The following EYS variants were observed in gnomAD, a reference collection of about 807,000 sequenced individuals.
The protein encoded by EYS is protein eyes shut homolog.
EYS carries 250 observed loss-of-function variants against 282.1 expected under a neutral mutation model. The ratio of observed to expected loss-of-function variants is 0.89; its 90% CI spans 0.80 to 0.98. EYS has a LOEUF of 0.98. Ranked by LOEUF, EYS falls within the 50% of genes least tolerant of loss-of-function variation. EYS has a pLI of 0.00. For missense variants in EYS, 4,016 were observed against 3,709.0 expected, an observed-to-expected ratio of 1.08 and a Z score of -2.15; for synonymous variants, 1,355 against 1,282.9, an observed-to-expected ratio of 1.06 and a Z score of -1.20.
At chr6:64,926,252 C>A (rs1048036162) in intron 15 of EYS, among the ~76,000 whole-genome samples, 3 of 152,190 alleles carry the variant, frequency 2.0e-5, no homozygotes, top group Admixed American at 2.0e-4. Context: ...CCTCTCAATT[C>A]TAGCCCCAGG....
At chr6:65,136,236 T>C (rs1414845508) in intron 12 of EYS, among the ~76,000 whole-genome samples, 1 of 152,024 alleles carries the variant, frequency 6.6e-6, no homozygotes, top group Non-Finnish European at 1.5e-5. Context: ...TAGAGGGATA[T>C]GTGTAAATTG....
intron 29 of EYS, among the ~76,000 whole-genome samples, chr6:64,352,968 G>A (rs1771694145): frequency 6.6e-6 from 1 of 151,384 alleles, no homozygotes; most frequent in Non-Finnish European, 1.5e-5. Context: ...ACAACTATTT[G>A]TTGGGTCTTA....
intron 1 of EYS, among the ~76,000 whole-genome samples, chr6:65,672,826 T>C (rs1768438203): frequency 6.6e-6 from 1 of 152,088 alleles, no homozygotes; most frequent in South Asian, 2.1e-4. Flanking sequence ...TAAAGCTTTT[T>C]AATCACCTGG....
chr6:64,852,372 C>G (rs554246177), intron 19 of EYS, among the ~76,000 whole-genome samples: 2 of 152,216 alleles, frequency 1.3e-5, no homozygotes, highest in Non-Finnish European at 2.9e-5. Context: ...AGCCTCCCAG[C>G]CTACATCTTT....
chr6:64,738,637 T>G (rs1045544145), intron 22 of EYS, among the ~76,000 whole-genome samples: 3 of 152,242 alleles, frequency 2.0e-5, no homozygotes, highest in African/African-American at 7.2e-5. Context: ...ATGAACAGTT[T>G]AGTCTATGTT....
chr6:64,911,836 T>A (rs1768001630), intron 16 of EYS, among the ~76,000 whole-genome samples: 1 of 152,120 alleles, frequency 6.6e-6, no homozygotes, highest in Admixed American at 6.6e-5. Context: ...AAGACTTTCT[T>A]CGCTTGCATA....
In EYS at chr6:64,164,821, G is replaced by A. The variant is rs573944126; in HGVS notation, c.6424+65771C>T. On this transcript the variant is annotated intron_variant, in intron 31 of 42. Coordinates refer to ENST00000503581, the MANE Select transcript of EYS (RefSeq NM_001142800.2). The stretch of plus-strand genomic sequence containing the variant: ...TCCTCTGCCTTATTGTTATGTTGAA[G>A]TTAATTGACCATATTTAAGCAGACA... Among the ~76,000 whole-genome samples, 4 of 152,238 alleles carry A rather than the reference G, an allele frequency of 2.6e-5. No individual in the cohort carries two copies. In the South Asian group the frequency reaches 8.3e-4, roughly 32 times the overall value.
chr6:64,553,672 G>A (rs1765159662), intron 26 of EYS, among the ~76,000 whole-genome samples: 1 of 150,494 alleles, frequency 6.6e-6, no homozygotes, highest in South Asian at 2.1e-4. Flanking sequence ...CAAGTATCCT[G>A]AGTTAACTCT....
intron 35 of EYS, among the ~76,000 whole-genome samples, chr6:63,968,863 T>C (rs6928720): frequency 0.3 from 45,345 of 152,122 alleles, 6,870 homozygotes; most frequent in Admixed American, 0.38. Context: ...TTAGATGTTT[T>C]AGTCAGTAAT....
chr6:64,997,469 T>C (rs1181149192), intron 14 of EYS, 113 bp downstream of exon 14: 1 of 921,108 alleles, frequency 1.1e-6, no homozygotes, highest in Non-Finnish European at 1.6e-6. Context: ...GAAGTAAGCA[T>C]ATGTAATATA....
rs1006796145 is a variant in EYS at position 65,598,245 on chromosome 6, C to T, written c.-333+41533G>A. Among the ~76,000 whole-genome samples, 42 of 90,642 alleles carry T rather than the reference C, an allele frequency of 4.6e-4. 2 individuals carry two copies. Among genetic ancestry groups the T allele is most frequent in the Non-Finnish European group, 7.3e-4 (35 of 47,940 alleles). The allele number at this position is 90,642 out of a possible 152,430, so 59.5% of individuals were successfully genotyped here. A position where few individuals can be genotyped will look rare whatever the true frequency, so the allele number is the denominator to read the frequency against. On this transcript the variant is annotated intron_variant, in intron 2 of 42. Coordinates refer to ENST00000503581, the MANE Select transcript of EYS (RefSeq NM_001142800.2). ...AGACCCTCCTCCCCACCCACCCCCC[C>T]CCCAAAAAAAAAAACAAAAACTTTT...
rs1769470530 is a variant in EYS at position 64,306,977 on chromosome 6, T to A, written c.6184A>T (p.Asn2062Tyr). Residue 2062 changes from asparagine to tyrosine, a missense_variant, in exon 30 of 43, where the codon AAT becomes TAT. Coordinates refer to ENST00000503581, the MANE Select transcript of EYS (RefSeq NM_001142800.2). Reference protein sequence around the residue: ...SKAVKNYHINNCRSQGFMLSP... With the variant: ...SKAVKNYHINYCRSQGFMLSP... Reference sequence around the variant, plus strand: ...TCACTACTGCTATTTTACCTGCAATTGTTAATGTGATAGTTTTTCACTGCC... The same window carrying A: ...TCACTACTGCTATTTTACCTGCAATAGTTAATGTGATAGTTTTTCACTGCC... 25 of 1,469,654 alleles carry A rather than the reference T, an allele frequency of 1.7e-5. No homozygotes were observed. The highest frequency in any genetic ancestry group is 2.2e-5 in the Non-Finnish European group (24 of 1,074,712). The allele number at this position is 1,469,654 out of a possible 1,614,324, so 91.0% of individuals were successfully genotyped here.
At chr6:65,452,438 T>C (rs749749484) in intron 5 of EYS, among the ~76,000 whole-genome samples, 9 of 151,924 alleles carry the variant, frequency 5.9e-5, no homozygotes, top group Non-Finnish European at 1.0e-4. Flanking sequence ...ATCAGACATA[T>C]GTATAGAAGC....
At chr6:63,984,713 G>A (rs1465072264) in intron 34 of EYS, 110 bp from the exon 35 acceptor site, 2 of 898,896 alleles carry the variant, frequency 2.2e-6, no homozygotes, top group East Asian at 2.6e-5. Context: ...GTTTTTCTGT[G>A]TAAAAGAGGT....
At chr6:64,883,703 A>C (rs1216921302) in intron 19 of EYS, among the ~76,000 whole-genome samples, 1 of 151,482 alleles carries the variant, frequency 6.6e-6, no homozygotes, top group African/African-American at 2.4e-5. Context: ...AGGAAAGACA[A>C]AGTTAGACAA....
intron 35 of EYS, among the ~76,000 whole-genome samples, chr6:63,895,918 T>C (rs200050631): frequency 6.7e-6 from 1 of 149,052 alleles, no homozygotes; most frequent in African/African-American, 2.4e-5. Flanking sequence ...TTTTTTTTTT[T>C]TTTTTTTTTT....
chr6:64,631,493 A>C (rs893158766), intron 22 of EYS: 9 of 152,132 alleles, frequency 5.9e-5, no homozygotes, highest in African/African-American at 2.2e-4. Flanking sequence ...TGTTGCTGAT[A>C]CTGTTCCTTT....
chr6:64,030,051 C>T (rs1409438576), intron 33 of EYS, among the ~76,000 whole-genome samples: 1 of 152,040 alleles, frequency 6.6e-6, no homozygotes, highest in Non-Finnish European at 1.5e-5. Flanking sequence ...GCAGCATAAG[C>T]AGCTGGCAGA....
At chr6:64,781,913 T>C (rs903798067) in intron 22 of EYS, among the ~76,000 whole-genome samples, 2 of 152,194 alleles carry the variant, frequency 1.3e-5, no homozygotes, top group African/African-American at 4.8e-5. Flanking sequence ...TCATAAAACA[T>C]GAAATGGTTG....
Sources: gnomAD v4.1 joint callset for allele counts (sites outside exome capture counted in the v4.1 genomes callset) on GRCh38, gnomAD v4.1.1 for gene constraint, MANE v1.5 for transcripts, NCBI Gene and HGNC (gene_info 2026-07-23, HGNC 2026-07-21) for gene names.